RSPH9: variants seen among roughly 807,000 people sequenced by gnomAD.
The protein encoded by RSPH9 is radial spoke head protein 9 homolog.
Under a neutral mutation model 27.0 loss-of-function variants are expected in RSPH9, and 27 were observed. That is an observed-to-expected ratio of 1.00 (90% CI 0.74 to 1.38). The LOEUF is 1.38. RSPH9 is among the 40% of genes most tolerant of loss of function. The pLI is 0.00. For missense variants in RSPH9, 347 were observed against 357.4 expected (o/e 0.97, Z 0.24); for synonymous variants, 145 against 147.7 (o/e 0.98, Z 0.13).
At chr6:43,657,100 G>A (rs1055140108) in intron 4 of RSPH9, among the ~76,000 whole-genome samples, 3 of 152,160 alleles carry the variant, frequency 2.0e-5, no homozygotes, top group African/African-American at 7.2e-5. Flanking sequence ...TGGATATAAT[G>A]CTTGGCCCAT....
intron 2 of RSPH9, among the ~76,000 whole-genome samples, chr6:43,654,328 A>C (rs1219798250): frequency 1.3e-5 from 2 of 152,228 alleles, no homozygotes; most frequent in Admixed American, 1.3e-4. Context: ...AAATGCTTGC[A>C]AAATAATGTT....
At chr6:43,669,292 C>T (rs1284788357) in intron 4 of RSPH9, among the ~76,000 whole-genome samples, 1 of 152,224 alleles carries the variant, frequency 6.6e-6, no homozygotes, top group Non-Finnish European at 1.5e-5. Flanking sequence ...CGATTGGCTT[C>T]TCCCTGAGCA....
intron 4 of RSPH9, among the ~76,000 whole-genome samples, chr6:43,660,538 A>G (rs1772504778): frequency 6.6e-6 from 1 of 152,006 alleles, no homozygotes; most frequent in African/African-American, 2.4e-5. Context: ...ATCTCAGCTC[A>G]CTGCAACCTC....
chr6:43,650,438 TGTG>T lies in RSPH9; in HGVS notation c.295_297del (p.Val99del). The T allele has an allele frequency of 6.2e-7, 1 of 1,614,112 alleles. No individual in the cohort carries two copies. The highest frequency in any genetic ancestry group is 8.5e-7 in the Non-Finnish European group (1 of 1,179,996). ...CAGAGGAGATGGTGGCGCAGTCGTC[TGTG>T]GTGAAGGGCCGCTTCATGGGGGACC... On this transcript the variant is annotated inframe_deletion, in exon 2 of 5. Coordinates refer to ENST00000372163, the MANE Select transcript of RSPH9 (RefSeq NM_152732.5).
chr6:43,669,823 A>C (rs972398091), intron 4 of RSPH9, among the ~76,000 whole-genome samples: 6 of 152,178 alleles, frequency 3.9e-5, no homozygotes, highest in African/African-American at 1.4e-4. Context: ...TCATGGCTGC[A>C]CGACTCAGCC....
intron 2 of RSPH9, among the ~76,000 whole-genome samples, chr6:43,651,859 T>C (rs1771506310): frequency 6.6e-6 from 1 of 152,042 alleles, no homozygotes; most frequent in Non-Finnish European, 1.5e-5. Context: ...TGACGTTAAC[T>C]ATTTTGCATG....
intron 4 of RSPH9, chr6:43,666,635 T>C: frequency 1.5e-6 from 1 of 663,564 alleles, no homozygotes; most frequent in Admixed American, 2.8e-5. Context: ...TGTCCAGGGA[T>C]CCGCAAAGTT....
At chr6:43,650,599 C>T (rs1771343666) in intron 2 of RSPH9, 59 bp downstream of exon 2, 1 of 1,591,702 alleles carries the variant, frequency 6.3e-7, no homozygotes, top group Non-Finnish European at 8.6e-7. Flanking sequence ...CATCCAAAAC[C>T]CAGCCTAATA....
In RSPH9 at chr6:43,670,811, GA is replaced by G; in HGVS notation, c.694del (p.Arg232GlyfsTer98). The part of the protein sequence containing the change: ...PKGSWSIQME[R>X]GNALVVLRSL... The stretch of plus-strand genomic sequence containing the variant: ...CAGGGTCCTGGAGCATCCAGATGGA[GA>G]GGGGCAATGCCCTGGTGGTGCTGCG... On this transcript the variant is annotated frameshift_variant, in exon 5 of 5. Coordinates refer to ENST00000372163, the MANE Select transcript of RSPH9 (RefSeq NM_152732.5). LOFTEE classifies it high-confidence loss of function. The G allele has an allele frequency of 1.9e-6, 3 of 1,614,224 alleles. No homozygotes were observed. The highest frequency in any genetic ancestry group is 2.5e-6 in the Non-Finnish European group (3 of 1,180,042).
At chr6:43,646,947 T>C (rs958207928) in intron 1 of RSPH9, among the ~76,000 whole-genome samples, 1 of 131,756 alleles carries the variant, frequency 7.6e-6, no homozygotes, top group African/African-American at 3.0e-5. Flanking sequence ...AGAGTGAGAC[T>C]CCGTCTCAAA....
rs184445446 is a variant in RSPH9, at chr6:43,663,035, C to T, written c.670+6312C>T. Among the ~76,000 whole-genome samples, 16 of 151,818 alleles carry T rather than the reference C, an allele frequency of 1.1e-4. No individual in the cohort carries two copies. In the East Asian group the frequency reaches 2.3e-3, roughly 22 times the overall value. The stretch of plus-strand genomic sequence containing the variant: ...CTGGTTTCAAACTCCTGCACTCAAA[C>T]AGTCCTCCTGCCTCAGCCTCCTAAA... On this transcript the variant is annotated intron_variant, in intron 4 of 4. Transcript: ENST00000372163.
rs75054864 is a variant in RSPH9 at position 43,655,911 on chromosome 6, A to G, written c.523+220A>G. The stretch of plus-strand genomic sequence containing the variant: ...GACTCTCTTCAGTTTGAGGAGTGGG[A>G]GAGCATATAGTCCCTTGGTCCCAGG... On this transcript the variant is annotated intron_variant, in intron 3 of 4. Transcript: ENST00000372163. Among the ~76,000 whole-genome samples, 2,251 of 152,098 alleles carry G rather than the reference A, an allele frequency of 0.015. 33 individuals are homozygous for G. Among genetic ancestry groups the G allele is most frequent in the South Asian group, 0.061 (296 of 4,816 alleles).
intron 4 of RSPH9, among the ~76,000 whole-genome samples, chr6:43,657,144 A>G (rs1010211107): frequency 6.6e-6 from 1 of 152,182 alleles, no homozygotes; most frequent in Admixed American, 6.5e-5. Flanking sequence ...CCTTCCCTTG[A>G]GCATCTCTGG....
In RSPH9 at chr6:43,645,266, T is replaced by TTAC. The variant is rs1561934895; in HGVS notation, c.172_174dup (p.Tyr58dup). 1.2e-6 allele frequency: 2 copies of TTAC among 1,614,032 alleles called. No individual in the cohort carries two copies. The highest frequency in any genetic ancestry group is 1.7e-6 in the Non-Finnish European group (2 of 1,180,012). On this transcript the variant is annotated inframe_insertion, in exon 1 of 5. Coordinates refer to ENST00000372163, the MANE Select transcript of RSPH9 (RefSeq NM_152732.5). ...GCCGCATCCTTGGCCTCGTCGCCGATTACTACATCGCGCAGGGCCTGAGTG... is the reference window on the plus strand; with the variant it reads ...GCCGCATCCTTGGCCTCGTCGCCGATTACTACTACATCGCGCAGGGCCTGAGTG...
At chr6:43,645,654 C>T (rs1770777374) in intron 1 of RSPH9, among the ~76,000 whole-genome samples, 1 of 151,770 alleles carries the variant, frequency 6.6e-6, no homozygotes, top group Non-Finnish European at 1.5e-5. Flanking sequence ...GAGAAACTTA[C>T]ATGCGGATGG....
chr6:43,658,033 T>C (rs564798099), intron 4 of RSPH9, among the ~76,000 whole-genome samples: 1 of 152,298 alleles, frequency 6.6e-6, no homozygotes, highest in East Asian at 1.9e-4. Context: ...CTCACGCCTG[T>C]GATCCCAGCA....
intron 4 of RSPH9, among the ~76,000 whole-genome samples, chr6:43,664,223 G>T (rs80324908): frequency 0.1 from 15,173 of 151,528 alleles, 1,329 homozygotes; most frequent in African/African-American, 0.24. Flanking sequence ...TGATGATGAT[G>T]ATGATTATTT....
chr6:43,645,594 C>T (rs919709570), intron 1 of RSPH9, among the ~76,000 whole-genome samples: 33 of 152,160 alleles, frequency 2.2e-4, no homozygotes, highest in Non-Finnish European at 4.0e-4. Context: ...GGCGATGTCC[C>T]CCGGAGGGCG....
intron 1 of RSPH9, 99 bp downstream of exon 1, chr6:43,645,424 G>C: frequency 9.8e-7 from 1 of 1,016,748 alleles, no homozygotes; most frequent in Non-Finnish European, 1.5e-6. Context: ...GGCCCATGGG[G>C]CCAAGGGAGG....
Sources: allele counts gnomAD v4.1 joint callset (sites outside exome capture counted in the v4.1 genomes callset), GRCh38; gene constraint gnomAD v4.1.1; transcripts MANE v1.5; gene names NCBI Gene and HGNC (gene_info 2026-07-23, HGNC 2026-07-21).